The following NELL1 variants were observed in gnomAD, a reference collection of about 807,000 sequenced individuals.
NELL1 encodes the protein protein kinase C-binding protein NELL1.
NELL1 carries 76 observed loss-of-function variants against 107.4 expected under a neutral mutation model. The observed-to-expected ratio is 0.71, with a 90% confidence interval of 0.59 to 0.86. NELL1 has a LOEUF of 0.86. Among genes scored for constraint, NELL1 ranks in the 40% least tolerant of loss-of-function variants. The pLI, the probability that NELL1 is intolerant of heterozygous loss-of-function variation, is 0.00. For synonymous variants in NELL1, 353 were observed against 341.2 expected (o/e 1.03, Z -0.38); for missense variants, 1,024 against 1,005.5 (o/e 1.02, Z -0.25).
chr11:20,729,641 C>T (rs1305200402), intron 2 of NELL1, among the ~76,000 whole-genome samples: 1 of 152,070 alleles, frequency 6.6e-6, no homozygotes, highest in South Asian at 2.1e-4. Context: ...TAGTTTAATT[C>T]TATCTCATCT....
intron 10 of NELL1, among the ~76,000 whole-genome samples, chr11:20,940,681 A>C (rs1850833120): frequency 6.6e-6 from 1 of 152,236 alleles, no homozygotes; most frequent in Non-Finnish European, 1.5e-5. Context: ...AAACGGGAAC[A>C]TCATTCTGCA....
At chr11:20,725,168 A>G (rs1180053967) in intron 2 of NELL1, among the ~76,000 whole-genome samples, 1 of 152,198 alleles carries the variant, frequency 6.6e-6, no homozygotes, top group African/African-American at 2.4e-5. Context: ...AAGACACCAT[A>G]TGTAGTCACA....
intron 12 of NELL1, among the ~76,000 whole-genome samples, chr11:21,015,006 C>G (rs1172706338): frequency 6.6e-6 from 1 of 152,116 alleles, no homozygotes; most frequent in Admixed American, 6.6e-5. Context: ...ACTGAACACA[C>G]TTGTTCACTG....
At chr11:20,929,988 A>G (rs961591378) in intron 9 of NELL1, among the ~76,000 whole-genome samples, 2 of 150,202 alleles carry the variant, frequency 1.3e-5, no homozygotes, top group Admixed American at 6.6e-5. Context: ...AAAAGAAAAA[A>G]AAAAAAAGGC....
intron 3 of NELL1, among the ~76,000 whole-genome samples, chr11:20,832,900 C>G (rs1340119463): frequency 1.3e-5 from 2 of 152,182 alleles, no homozygotes; most frequent in Admixed American, 6.5e-5. Context: ...GCCGTCAGCA[C>G]CAGGAACAAA....
chr11:20,922,410 G>T (rs542453598), intron 7 of NELL1, among the ~76,000 whole-genome samples: 2 of 151,920 alleles, frequency 1.3e-5, no homozygotes, highest in South Asian at 2.1e-4. Flanking sequence ...TTCAGTTGGT[G>T]AAGTCCTTCA....
intron 2 of NELL1, among the ~76,000 whole-genome samples, chr11:20,709,018 T>G (rs1261964166): frequency 6.6e-6 from 1 of 152,146 alleles, no homozygotes; most frequent in Admixed American, 6.5e-5. Flanking sequence ...AATCTAATGC[T>G]GCTGCTGATC....
chr11:20,695,408 A>ATGGGTTTGC (rs1854588635), intron 2 of NELL1, among the ~76,000 whole-genome samples: 1 of 152,214 alleles, frequency 6.6e-6, no homozygotes, highest in East Asian at 1.9e-4. Context: ...TTGCCTGTCC[A>ATGGGTTTGC]ATACGATGGT....
intron 2 of NELL1, among the ~76,000 whole-genome samples, chr11:20,732,140 G>A (rs67217688): frequency 2.0e-4 from 31 of 151,866 alleles, no homozygotes; most frequent in East Asian, 1.5e-3. Flanking sequence ...CCTTTCCCTC[G>A]GTGGAAGGAG....
chr11:21,519,717 A>G (rs1427858256), intron 15 of NELL1, among the ~76,000 whole-genome samples: 2 of 151,912 alleles, frequency 1.3e-5, no homozygotes, highest in Non-Finnish European at 2.9e-5. Flanking sequence ...TACAGCCGCT[A>G]CCACTCTACT....
chr11:20,845,252 C>T (rs1325233158), intron 3 of NELL1, among the ~76,000 whole-genome samples: 1 of 152,122 alleles, frequency 6.6e-6, no homozygotes, highest in Non-Finnish European at 1.5e-5. Flanking sequence ...TTTCTCCTAG[C>T]TATATATTTG....
intron 14 of NELL1, among the ~76,000 whole-genome samples, chr11:21,234,168 C>A (rs996790152): frequency 6.6e-6 from 1 of 152,202 alleles, no homozygotes; most frequent in African/African-American, 2.4e-5. Flanking sequence ...GGCAAACTGG[C>A]TATGTAACTT....
intron 2 of NELL1, among the ~76,000 whole-genome samples, chr11:20,732,015 G>T (rs532421385): frequency 8.5e-5 from 13 of 152,112 alleles, no homozygotes; most frequent in African/African-American, 3.1e-4. Flanking sequence ...TCACAATGAG[G>T]CTCCTCTAAT....
chr11:21,281,845 A>G (rs895887169), intron 14 of NELL1, among the ~76,000 whole-genome samples: 1 of 152,238 alleles, frequency 6.6e-6, no homozygotes, highest in African/African-American at 2.4e-5. Context: ...ACAAAAATAA[A>G]TAAAAATGGA....
chr11:20,686,888 A>G (rs938729598), intron 2 of NELL1, among the ~76,000 whole-genome samples: 1 of 151,958 alleles, frequency 6.6e-6, no homozygotes, highest in Non-Finnish European at 1.5e-5. Flanking sequence ...GTTGGTCTCA[A>G]ATATCACTGG....
chr11:21,370,121 A>T (rs1851324238), intron 14 of NELL1, among the ~76,000 whole-genome samples: 1 of 152,068 alleles, frequency 6.6e-6, no homozygotes, highest in Non-Finnish European at 1.5e-5. Context: ...CTATGCAAGT[A>T]TGTACTAACG....
chr11:21,061,258 G>A (rs773024008), intron 12 of NELL1, among the ~76,000 whole-genome samples: 5 of 152,176 alleles, frequency 3.3e-5, no homozygotes, highest in Non-Finnish European at 7.3e-5. Flanking sequence ...GAGTGTATGT[G>A]TGTGTGTAAA....
At chr11:21,002,656 G>A (rs1190290597) in intron 12 of NELL1, among the ~76,000 whole-genome samples, 1 of 152,122 alleles carries the variant, frequency 6.6e-6, no homozygotes, top group African/African-American at 2.4e-5. Flanking sequence ...GCAGAAAGAG[G>A]TTCTCTTGTC....
At chr11:21,201,175 A>G (rs1288434569) in intron 13 of NELL1, among the ~76,000 whole-genome samples, 2 of 152,140 alleles carry the variant, frequency 1.3e-5, no homozygotes, top group African/African-American at 4.8e-5. Context: ...AAGAAAGTCA[A>G]TGATAGCTTG....
Sources: gnomAD v4.1 joint callset for allele counts (sites outside exome capture counted in the v4.1 genomes callset) on GRCh38, gnomAD v4.1.1 for gene constraint, MANE v1.5 for transcripts, NCBI Gene and HGNC (gene_info 2026-07-23, HGNC 2026-07-21) for gene names.